The following LRRC51 variants were observed in gnomAD, a reference collection of about 807,000 sequenced individuals.
The protein encoded by LRRC51 is leucine rich repeat containing 51, also known as leucine-rich repeat-containing protein 51.
A neutral mutation model predicts 17.8 loss-of-function variants in LRRC51; 8 were observed. That is an observed-to-expected ratio of 0.45 (90% CI 0.26 to 0.81). The LOEUF (loss-of-function observed/expected upper bound fraction) is 0.81, where lower values mean the gene tolerates loss of function less well. Among genes scored for constraint, LRRC51 ranks in the 30% least tolerant of loss-of-function variants. The pLI is 0.17. For missense variants in LRRC51, 233 were observed against 239.3 expected (o/e 0.97, Z 0.17); for synonymous variants, 92 against 96.0 (o/e 0.96, Z 0.24).
intron 1 of LRRC51, among the ~76,000 whole-genome samples, 174 bp downstream of exon 1, chr11:72,081,059 T>G (rs557489516): frequency 6.6e-6 from 1 of 152,200 alleles, no homozygotes; most frequent in Non-Finnish European, 1.5e-5. Flanking sequence ...TGGGACAGAC[T>G]GGGCGAGGGG....
chr11:72,081,679 G>A (rs1364615434), intron 1 of LRRC51, among the ~76,000 whole-genome samples: 2 of 152,088 alleles, frequency 1.3e-5, no homozygotes, highest in Non-Finnish European at 2.9e-5. Context: ...GGGGCGTGAA[G>A]TGCCTCATTC....
intron 1 of LRRC51, among the ~76,000 whole-genome samples, chr11:72,082,394 TAC>T (rs1202126078): frequency 6.6e-6 from 1 of 152,134 alleles, no homozygotes; most frequent in East Asian, 1.9e-4. Context: ...TCTTCTTGGG[TAC>T]CCCTCCACAC....
chr11:72,081,668 T>C (rs1422168201), intron 1 of LRRC51, among the ~76,000 whole-genome samples: 1 of 152,150 alleles, frequency 6.6e-6, no homozygotes, highest in South Asian at 2.1e-4. Flanking sequence ...GGAAACTTCC[T>C]GGGGCGTGAA....
At position 72,093,670 on chromosome 11, in the gene LRRC51, T is replaced by C; in HGVS notation, c.257T>C (p.Leu86Pro). 1.2e-6 allele frequency: 2 copies of C among 1,614,240 alleles called. No homozygotes were observed. Among genetic ancestry groups the C allele is most frequent in the Non-Finnish European group, 1.7e-6 (2 of 1,180,046 alleles). ...CCAGAGAACCTGGCCTGGATCGACC[T>C]GTCCTTTAATGACCTGACTTCCATT... is the stretch of plus-strand genomic sequence containing the variant. ...EHPENLAWIDLSFNDLTSIDP... is the reference protein window; with the variant it reads ...EHPENLAWIDPSFNDLTSIDP... Residue 86 changes from leucine (L) to proline (P), a missense_variant, in exon 4 of 6, where the codon CTG becomes CCG. Physicochemically the swap from Leu to Pro is moderately conservative, Grantham distance 98 (BLOSUM62 -3). Coordinates refer to ENST00000289488, the MANE Select transcript of LRRC51 (RefSeq NM_145309.6).
intron 1 of LRRC51, among the ~76,000 whole-genome samples, chr11:72,082,431 T>C (rs1375249912): frequency 6.6e-6 from 1 of 152,094 alleles, no homozygotes; most frequent in African/African-American, 2.4e-5. Flanking sequence ...TCCACCTGTA[T>C]GCAAATGTAC....
intron 1 of LRRC51, among the ~76,000 whole-genome samples, chr11:72,082,098 G>A (rs1298295303): frequency 6.6e-6 from 1 of 152,144 alleles, no homozygotes; most frequent in Non-Finnish European, 1.5e-5. Flanking sequence ...CAGGGAAAAG[G>A]AACCTGTGTG....
intron 3 of LRRC51, among the ~76,000 whole-genome samples, chr11:72,089,851 C>A (rs1047254381): frequency 6.6e-6 from 1 of 152,218 alleles, no homozygotes; most frequent in South Asian, 2.1e-4. Flanking sequence ...CAGGAGGGAA[C>A]ATAGGGAGGC....
Position 72,089,060 on chromosome 11 carries a change from C to T in LRRC51, c.-24C>T, listed in dbSNP as rs750151236. On this transcript the variant is annotated 5_prime_UTR_variant, in exon 3 of 6. Transcript: ENST00000289488. ...CCCAGACTCCCAGGGCACCTGCTTG[C>T]ACCTTTGAATGATGGCCTGAACTAT... 2.5e-6 allele frequency: 4 copies of T among 1,613,096 alleles called. No homozygotes were observed. In the South Asian group the frequency reaches 4.4e-5, roughly 18 times the overall value.
chr11:72,084,915 T>C (rs1014772447), intron 1 of LRRC51, among the ~76,000 whole-genome samples: 7 of 36,830 alleles, frequency 1.9e-4, no homozygotes, highest in Admixed American at 1.5e-3. Flanking sequence ...TAAAACCTTA[T>C]TAGCTATACA....
chr11:72,088,198 C>G, intron 1 of LRRC51, 99 bp from the exon 2 acceptor site: 1 of 589,212 alleles, frequency 1.7e-6, no homozygotes, highest in Non-Finnish European at 3.0e-6. Flanking sequence ...CCAGAAAAAC[C>G]TCAGCTTTAC....
At chr11:72,086,352 G>T (rs1177750127) in intron 1 of LRRC51, 2 of 698,212 alleles carry the variant, frequency 2.9e-6, no homozygotes, top group Non-Finnish European at 2.6e-6. Flanking sequence ...CATTTCTTCT[G>T]GTCAGGCACA....
At chr11:72,082,709 A>G (rs892202683) in intron 1 of LRRC51, among the ~76,000 whole-genome samples, 1 of 152,080 alleles carries the variant, frequency 6.6e-6, no homozygotes. Context: ...TCTATCACTA[A>G]GTCTTATCAG....
At chr11:72,087,287 C>CTTTTTTTTTT (rs58257513) in intron 1 of LRRC51, among the ~76,000 whole-genome samples, 1 of 107,328 alleles carries the variant, frequency 9.3e-6, no homozygotes, top group African/African-American at 3.5e-5. Flanking sequence ...AACAGAAATT[C>CTTTTTTTTTT]TTTTTTTTTT....
intron 1 of LRRC51, among the ~76,000 whole-genome samples, chr11:72,086,835 C>T (rs1565314182): frequency 6.6e-6 from 1 of 152,138 alleles, no homozygotes; most frequent in Non-Finnish European, 1.5e-5. Flanking sequence ...CTCTGGGGTA[C>T]CAACCCAGTA....
intron 1 of LRRC51, among the ~76,000 whole-genome samples, chr11:72,087,933 C>G (rs17161942): frequency 0.03 from 4,586 of 152,234 alleles, 63 homozygotes; most frequent in East Asian, 0.073. Flanking sequence ...TTCTGCAAAT[C>G]ATCTGTTTTA....
intron 3 of LRRC51, 22 bp downstream of exon 3, chr11:72,089,187 C>T (rs12794072): frequency 1.9e-6 from 3 of 1,614,140 alleles, no homozygotes; most frequent in East Asian, 2.2e-5. Context: ...GAGCACAGTA[C>T]TCCACTCACT....
chr11:72,086,959 C>T (rs1404063045), intron 1 of LRRC51, among the ~76,000 whole-genome samples: 1 of 152,180 alleles, frequency 6.6e-6, no homozygotes, highest in Non-Finnish European at 1.5e-5. Flanking sequence ...AGTAGACAGC[C>T]AGGTTCCTCT....
rs758556780 is a variant in LRRC51 at position 72,095,561 on chromosome 11, A to C, written c.*41A>C. The C allele has an allele frequency of 3.1e-6, 5 of 1,604,010 alleles. No individual in the cohort carries two copies. The African/African-American group carries it at 6.7e-5, about 21-fold the overall frequency. On this transcript the variant is annotated 3_prime_UTR_variant, in exon 6 of 6. Transcript: ENST00000289488. Reference sequence around the variant, plus strand: ...AGTAGTCCTAAAGGCCTAAGCATAGACAGCATGGTTTGACAATAAATAATT... The same window carrying C: ...AGTAGTCCTAAAGGCCTAAGCATAGCCAGCATGGTTTGACAATAAATAATT...
chr11:72,086,562 C>A, intron 1 of LRRC51: 1 of 679,090 alleles, frequency 1.5e-6, no homozygotes, highest in Non-Finnish European at 2.7e-6. Context: ...CTGTTGTAAA[C>A]CTGGTTCTAT....
Sources: gnomAD v4.1 joint callset for allele counts (sites outside exome capture counted in the v4.1 genomes callset) on GRCh38, gnomAD v4.1.1 for gene constraint, MANE v1.5 for transcripts, NCBI Gene and HGNC (gene_info 2026-07-23, HGNC 2026-07-21) for gene names.